Variants in EPS15 observed in about 807,000 individuals in gnomAD.
EPS15 encodes epidermal growth factor receptor substrate 15.
Under a neutral mutation model 113.8 loss-of-function variants are expected in EPS15, and 72 were observed. The observed-to-expected ratio is 0.63, with a 90% CI of 0.52 to 0.77. The LOEUF (loss-of-function observed/expected upper bound fraction) is 0.77. Ranked by LOEUF, EPS15 falls within the 30% of genes least tolerant of loss-of-function variation. The pLI, the probability that EPS15 is intolerant of heterozygous loss-of-function variation, is 0.00. For synonymous variants in EPS15, 344 were observed against 363.4 expected (o/e 0.95, Z 0.61); for missense variants, 1,048 against 1,045.8 (o/e 1.00, Z -0.03).
At chr1:51,486,307 C>A (rs576543072) in intron 1 of EPS15, among the ~76,000 whole-genome samples, 1 of 151,114 alleles carries the variant, frequency 6.6e-6, no homozygotes, top group South Asian at 2.1e-4. Context: ...CACCTGTAAT[C>A]CCAGCTACTA....
intron 21 of EPS15, among the ~76,000 whole-genome samples, chr1:51,380,980 A>C (rs1570138521): frequency 6.6e-6 from 1 of 152,244 alleles, no homozygotes; most frequent in Non-Finnish European, 1.5e-5. Context: ...CAATTTACCA[A>C]TATGATGTAA....
chr1:51,472,004 T>C (rs1171377070), intron 3 of EPS15, among the ~76,000 whole-genome samples: 37 of 150,700 alleles, frequency 2.5e-4, no homozygotes, highest in Admixed American at 2.4e-3. Flanking sequence ...AGGGTTCTTT[T>C]ATGATTTTTT....
intron 9 of EPS15, 121 bp downstream of exon 9, chr1:51,447,924 TA>T: frequency 7.2e-7 from 1 of 1,397,060 alleles, no homozygotes; most frequent in Non-Finnish European, 9.4e-7. Flanking sequence ...TTAACACTGA[TA>T]AATCTATACC....
intron 1 of EPS15, among the ~76,000 whole-genome samples, chr1:51,496,650 A>G (rs1019428740): frequency 1.3e-5 from 2 of 152,214 alleles, no homozygotes; most frequent in Non-Finnish European, 2.9e-5. Flanking sequence ...TTGCTGCTTC[A>G]TATAATTTAG....
At chr1:51,392,533 A>C (rs772361017) in intron 21 of EPS15, among the ~76,000 whole-genome samples, 2 of 152,212 alleles carry the variant, frequency 1.3e-5, no homozygotes, top group Non-Finnish European at 2.9e-5. Flanking sequence ...GTAACACTGT[A>C]ACCTACCACT....
chr1:51,445,090 C>CA lies in EPS15; in HGVS notation c.798-46dup, dbSNP rs531432962. 1.9e-4 allele frequency: 288 copies of CA among 1,540,154 alleles called. 1 individual carries two copies. The East Asian group carries it at 6.6e-3, about 35-fold the overall frequency. On this transcript the variant is annotated intron_variant, in intron 10 of 24. Coordinates refer to ENST00000371733, the MANE Select transcript of EPS15 (RefSeq NM_001981.3). ...GAATGGTATGTAAGTGCCACAACTGCAAAAAGTCCAGAGAAAAAGTACCAC... is the reference window on the plus strand; with the variant it reads ...GAATGGTATGTAAGTGCCACAACTGCAAAAAAGTCCAGAGAAAAAGTACCAC...
intron 1 of EPS15, among the ~76,000 whole-genome samples, chr1:51,511,635 T>C (rs950223424): frequency 6.6e-6 from 1 of 152,180 alleles, no homozygotes; most frequent in African/African-American, 2.4e-5. Flanking sequence ...TTACGTCTAA[T>C]GGATAAGGAT....
At chr1:51,360,757 T>C (rs542100865) in intron 24 of EPS15, among the ~76,000 whole-genome samples, 1 of 152,294 alleles carries the variant, frequency 6.6e-6, no homozygotes, top group African/African-American at 2.4e-5. Flanking sequence ...TAAAACTTTA[T>C]ACACAAACAC....
chr1:51,497,794 T>C lies in EPS15; in HGVS notation c.34-16480A>G, dbSNP rs562022733. On this transcript the variant is annotated intron_variant, in intron 1 of 24. Transcript: ENST00000371733. ...CAGATGGAGACCGTCCTGGCCAACA[T>C]GGTGAAACACCATCTCTACTAAAAA... Among the ~76,000 whole-genome samples, 10 of 152,092 alleles carry C rather than the reference T, an allele frequency of 6.6e-5. No individual in the cohort carries two copies. In the East Asian group the frequency reaches 1.5e-3, roughly 24 times the overall value.
At chr1:51,372,521 T>C (rs1646682638) in intron 21 of EPS15, 1 of 531,522 alleles carries the variant, frequency 1.9e-6, no homozygotes, top group Non-Finnish European at 3.8e-6. Context: ...AGAAAATTAA[T>C]GCCAAAGAAT....
intron 21 of EPS15, chr1:51,382,372 G>C (rs1458691671): frequency 6.6e-6 from 1 of 151,364 alleles, no homozygotes; most frequent in Non-Finnish European, 1.5e-5. Flanking sequence ...CATGGCCCCT[G>C]TGCAAGGATA....
Position 51,519,242 on chromosome 1 carries a change from T to A in EPS15, c.-11A>T. 1 of 1,290,826 alleles carries A rather than the reference T, an allele frequency of 7.7e-7. No homozygotes were observed. The allele number at this position is 1,290,826 out of a possible 1,614,324, so 80.0% of individuals were successfully genotyped here. ...GGCCGCCGCAGCCATGGTGTTTCCA[T>A]CATGCAAGGGAGGGGAAGGAAGACG... On this transcript the variant is annotated 5_prime_UTR_variant, in exon 1 of 25. The change abolishes an upstream ATG in the 5' untranslated region. Transcript: ENST00000371733.
At chr1:51,387,910 A>G (rs1037094462) in intron 21 of EPS15, among the ~76,000 whole-genome samples, 47 of 152,218 alleles carry the variant, frequency 3.1e-4, no homozygotes, top group Non-Finnish European at 4.3e-4. Flanking sequence ...AGACAGATCA[A>G]TGAGACAGAA....
chr1:51,357,391 A>AAAAATATATAT (rs1491245303), intron 24 of EPS15, among the ~76,000 whole-genome samples: 1 of 65,720 alleles, frequency 1.5e-5, no homozygotes, highest in African/African-American at 7.0e-5. Flanking sequence ...AAAAAAAAAA[A>AAAAATATATAT]ATATATATAT....
intron 13 of EPS15, among the ~76,000 whole-genome samples, chr1:51,417,655 T>C (rs1650369691): frequency 6.6e-6 from 1 of 152,194 alleles, no homozygotes; most frequent in African/African-American, 2.4e-5. Flanking sequence ...GAAAGACTGG[T>C]GTGGACCAAG....
intron 12 of EPS15, among the ~76,000 whole-genome samples, chr1:51,435,539 G>C (rs1432834212): frequency 6.6e-6 from 1 of 152,138 alleles, no homozygotes. Flanking sequence ...TATTCAGAAG[G>C]TCTTTGCCTT....
At chr1:51,463,916 AC>A (rs1365042172) in intron 6 of EPS15, 118 bp from the exon 7 acceptor site, 16 of 497,536 alleles carry the variant, frequency 3.2e-5, no homozygotes, top group Non-Finnish European at 5.5e-5. Context: ...CATTTAAAAA[AC>A]ATTTTTCACT....
At chr1:51,479,311 TG>T (rs1557509632) in intron 2 of EPS15, among the ~76,000 whole-genome samples, 1 of 152,238 alleles carries the variant, frequency 6.6e-6, no homozygotes, top group African/African-American at 2.4e-5. Flanking sequence ...CATCAGGTCA[TG>T]TAAGGTCTTC....
intron 1 of EPS15, among the ~76,000 whole-genome samples, chr1:51,495,913 A>G (rs561798056): frequency 6.6e-6 from 1 of 152,330 alleles, no homozygotes; most frequent in African/African-American, 2.4e-5. Flanking sequence ...GCAAGGAGAA[A>G]AATATAAGCT....
Sources: gnomAD v4.1 joint callset for allele counts (sites outside exome capture counted in the v4.1 genomes callset) on GRCh38, gnomAD v4.1.1 for gene constraint, MANE v1.5 for transcripts, NCBI Gene and HGNC (gene_info 2026-07-23, HGNC 2026-07-21) for gene names.